Variants in MAD2L2 observed in about 807,000 individuals in gnomAD.
MAD2L2 encodes mitotic spindle assembly checkpoint protein MAD2B.
A neutral mutation model predicts 30.5 loss-of-function variants in MAD2L2; 17 were observed. The ratio of observed to expected loss-of-function variants is 0.56; its 90% CI spans 0.38 to 0.84. The LOEUF is 0.84. Ranked by LOEUF, MAD2L2 falls within the 40% of genes least tolerant of loss-of-function variation. The pLI, the probability that MAD2L2 is intolerant of heterozygous loss-of-function variation, is 0.00. For synonymous variants in MAD2L2, 101 were observed against 113.9 expected (o/e 0.89, Z 0.72); for missense variants, 213 against 277.4 (o/e 0.77, Z 1.65).
At chr1:11,681,854 G>A (rs1482668289), upstream of MAD2L2, 1 of 152,150 alleles carries the variant, frequency 6.6e-6, no homozygotes, top group East Asian at 1.9e-4. Context: ...ATACAGATAA[G>A]TCAAGCGAGG....
Position 11,680,500 on chromosome 1 carries a change from C to G in MAD2L2, c.41-29G>C, listed in dbSNP as rs746139592. The G allele has an allele frequency of 1.9e-6, 3 of 1,611,812 alleles. No homozygotes were observed. In the South Asian group the frequency reaches 3.3e-5, roughly 18 times the overall value. On this transcript the variant is annotated intron_variant, in intron 2 of 8. Transcript: ENST00000376692. ...CAGGGGGGCACAAGCCGGTGGCGCG[C>G]TCGAGGAAGCCCGCCGGCCCAGACG... is the stretch of plus-strand genomic sequence containing the variant.
At chr1:11,682,982 C>G (rs1239401535), upstream of MAD2L2, among the ~76,000 whole-genome samples, 1 of 152,208 alleles carries the variant, frequency 6.6e-6, no homozygotes, top group Non-Finnish European at 1.5e-5. Context: ...TTGAGACTGA[C>G]TCATTGCAGA....
rs1481687541 is a variant in MAD2L2, at chr1:11,680,830, G to A, written c.-13+209C>T. On this transcript the variant is annotated intron_variant, in intron 1 of 8. Transcript: ENST00000376692. ...ATCCACTGGCCGCCCGCGCCCCCTC[G>A]CCCCGCTGTCTCGCGGGGTGGAAAG... 3.2e-6 allele frequency: 4 copies of A among 1,248,598 alleles called. No individual in the cohort carries two copies. The Admixed American group carries it at 1.2e-4, about 37-fold the overall frequency. 77.3% of individuals were successfully genotyped at this position (1,248,598 alleles called of 1,614,324 possible).
Position 11,680,452 on chromosome 1 carries a change from G to C in MAD2L2, c.60C>G (p.Cys20Trp), listed in dbSNP as rs565729007. Reference sequence around the variant, plus strand: ...GATGCACAGCCACCTCCAGGAACTCGCAGAGCACATCGGCCACCACTGCAG... The same window carrying C: ...GATGCACAGCCACCTCCAGGAACTCCCAGAGCACATCGGCCACCACTGCAG... Reference protein sequence around the residue: ...NFGQVVADVLCEFLEVAVHLI... With the variant: ...NFGQVVADVLWEFLEVAVHLI... Residue 20 changes from cysteine (C) to tryptophan (W), a missense_variant, in exon 3 of 9, where the codon TGC becomes TGG. Coordinates refer to ENST00000376692, the MANE Select transcript of MAD2L2 (RefSeq NM_006341.4). 7 of 1,613,834 alleles carry C rather than the reference G, an allele frequency of 4.3e-6. No individual in the cohort carries two copies. Among genetic ancestry groups the C allele is most frequent in the East Asian group, 2.2e-5 (1 of 44,880 alleles).
At chr1:11,675,790 C>G (rs1432029360) in intron 6 of MAD2L2, 59 bp from the exon 7 acceptor site, 6 of 1,370,136 alleles carry the variant, frequency 4.4e-6, no homozygotes, top group Non-Finnish European at 6.3e-6. Flanking sequence ...GCCACTGGGC[C>G]CAGCCTCTTC....
At chr1:11,689,174 G>C (rs2100722222) in intron 1 of MAD2L2, among the ~76,000 whole-genome samples, 1 of 151,586 alleles carries the variant, frequency 6.6e-6, no homozygotes, top group South Asian at 2.1e-4. Flanking sequence ...GTGTGTGCCT[G>C]TAACCCCAGC....
intron 5 of MAD2L2, 90 bp downstream of exon 5, chr1:11,676,758 A>C: frequency 2.0e-6 from 2 of 987,038 alleles, no homozygotes; most frequent in Admixed American, 1.9e-5. Context: ...GGCCTTTACC[A>C]AGGTATTCAA....
rs545512998 is a variant in MAD2L2 at position 11,688,225 on chromosome 1, T to A, written c.-692+3188A>T. Among the ~76,000 whole-genome samples, 45 of 152,294 alleles carry A rather than the reference T, an allele frequency of 3.0e-4. No individual in the cohort carries two copies. Among genetic ancestry groups the A allele is most frequent in the African/African-American group, 1.0e-3 (42 of 41,548 alleles). On this transcript the variant is annotated intron_variant, in intron 1 of 10. Coordinates refer to the MAD2L2 transcript ENST00000235310. The surrounding 1 kb of genome is among the most constrained non-coding windows in gnomAD (Gnocchi z 4.6). The stretch of plus-strand genomic sequence containing the variant: ...CCACAGTACTTAGCTGGTCTCTTGC[T>A]TTCACCCTTGTCCCACTGCAGACTA...
Position 11,677,574 on chromosome 1 carries a change from G to C in MAD2L2, c.200C>G (p.Thr67Arg). 2 of 1,613,788 alleles carry C rather than the reference G, an allele frequency of 1.2e-6. No homozygotes were observed. The highest frequency in any genetic ancestry group is 1.7e-6 in the Non-Finnish European group (2 of 1,179,996). The stretch of plus-strand genomic sequence containing the variant: ...CAGGAGTGGCTTGACGCAGTGCAGC[G>C]TGTCCTGGATATACTGATTCAGCTC... The part of the protein sequence containing the change: ...HPELNQYIQD[T>R]LHCVKPLLEK... Residue 67 changes from threonine (T) to arginine (R), a missense_variant, in exon 4 of 9, where the codon ACG becomes AGG. Thr to Arg is a moderately conservative substitution (Grantham distance 71). Transcript: ENST00000376692.
chr1:11,680,479 G>T lies in MAD2L2; in HGVS notation c.41-8C>A, dbSNP rs373741421. The T allele has an allele frequency of 3.2e-5, 51 of 1,613,318 alleles. No individual in the cohort carries two copies. The highest frequency in any genetic ancestry group is 2.2e-4 in the East Asian group (10 of 44,856). On this transcript the variant is annotated splice_polypyrimidine_tract_variant and splice_region_variant and intron_variant, in intron 2 of 8. Coordinates refer to ENST00000376692, the MANE Select transcript of MAD2L2 (RefSeq NM_006341.4). ...AGAGCACATCGGCCACCACTGCAGGGGGGCACAAGCCGGTGGCGCGCTCGA... is the reference window on the plus strand; with the variant it reads ...AGAGCACATCGGCCACCACTGCAGGTGGGCACAAGCCGGTGGCGCGCTCGA...
chr1:11,680,755 A>C (rs2272981), intron 1 of MAD2L2, 142 bp from the exon 2 acceptor site: 260,446 of 1,370,004 alleles, frequency 0.19, 25,927 homozygotes, highest in South Asian at 0.21. Context: ...GGGCAGCTGG[A>C]AGAACCTCCA....
chr1:11,675,920 G>A (rs1640759256), intron 6 of MAD2L2, 126 bp downstream of exon 6: 1 of 921,318 alleles, frequency 1.1e-6, no homozygotes, highest in Non-Finnish European at 1.8e-6. Flanking sequence ...GCTTCCCAGA[G>A]GAGGTGGACT....
At position 11,690,869 on chromosome 1, in the gene MAD2L2, C is replaced by G. The variant is rs1340134542; in HGVS notation, c.-692+544G>C. ...AGCGCTGGCTTTGTCCGGGTTGGGCCGGTCTGAGAAGCTTCAGGCCGGCTT... is the reference window on the plus strand; with the variant it reads ...AGCGCTGGCTTTGTCCGGGTTGGGCGGGTCTGAGAAGCTTCAGGCCGGCTT... On this transcript the variant is annotated intron_variant, in intron 1 of 10. Transcript: ENST00000235310. The surrounding 1 kb of genome is among the most constrained non-coding windows in gnomAD (Gnocchi z 4.2). Among the ~76,000 whole-genome samples the G allele has an allele frequency of 3.3e-5, 5 of 152,104 alleles. No homozygotes were observed. Among genetic ancestry groups the G allele is most frequent in the African/African-American group, 4.8e-5 (2 of 41,420 alleles).
At position 11,688,979 on chromosome 1, in the gene MAD2L2, ACGTTAC is replaced by A. The variant is rs1641010794; in HGVS notation, c.-692+2428_-692+2433del. On this transcript the variant is annotated intron_variant, in intron 1 of 10. Transcript: ENST00000235310. The surrounding 1 kb of genome is among the most constrained non-coding windows in gnomAD (Gnocchi z 4.6). ...TTACAAATGCCATGGCAACATCAGGACGTTACCCTATATGGTCTAAAAAGGGGAAGC... is the reference window on the plus strand; with the variant it reads ...TTACAAATGCCATGGCAACATCAGGACCTATATGGTCTAAAAAGGGGAAGC... 6.6e-6 allele frequency among the ~76,000 whole-genome samples: 1 copy of A among 152,144 alleles called. No individual in the cohort carries two copies. Among genetic ancestry groups the A allele is most frequent in the South Asian group, 2.1e-4 (1 of 4,824 alleles).
At chr1:11,675,240 C>A in intron 7 of MAD2L2, 66 bp from the exon 8 acceptor site, 1 of 1,109,980 alleles carries the variant, frequency 9.0e-7, no homozygotes, top group Non-Finnish European at 1.3e-6. Flanking sequence ...ACTTTGCTGT[C>A]CCTCCCACTC....
chr1:11,683,537 T>G (rs1640909725), upstream of MAD2L2, among the ~76,000 whole-genome samples: 1 of 148,950 alleles, frequency 6.7e-6, no homozygotes, highest in African/African-American at 2.5e-5. Flanking sequence ...GGTGGGAAGG[T>G]GAGGGAAGGG....
At position 11,687,631 on chromosome 1, in the gene MAD2L2, C is replaced by T. The variant is rs1640981808; in HGVS notation, c.-692+3782G>A. Among the ~76,000 whole-genome samples the T allele has an allele frequency of 6.6e-6, 1 of 152,202 alleles. No homozygotes were observed. Among genetic ancestry groups the T allele is most frequent in the African/African-American group, 2.4e-5 (1 of 41,446 alleles). On this transcript the variant is annotated intron_variant, in intron 1 of 10. Coordinates refer to the MAD2L2 transcript ENST00000235310. This position sits in a 1 kb window ranked among gnomAD's most constrained non-coding sequence, Gnocchi z 4.1. The stretch of plus-strand genomic sequence containing the variant: ...CTTCAAGAGGTCCTCCTGCCTCACC[C>T]TCTCAAAGTGCTAGGATTACAGGCA...
At position 11,674,995 on chromosome 1, in the gene MAD2L2, G is replaced by A. The variant is rs1004442733; in HGVS notation, c.594+87C>T. Reference sequence around the variant, plus strand: ...ACCAGGCACTCCCCCGTTCTCTCCCGCAAGCCCTCTAGTAAGGCCTCAGCA... The same window carrying A: ...ACCAGGCACTCCCCCGTTCTCTCCCACAAGCCCTCTAGTAAGGCCTCAGCA... On this transcript the variant is annotated intron_variant, in intron 8 of 8. Transcript: ENST00000376692. This position sits in a 1 kb window ranked among gnomAD's most constrained non-coding sequence, Gnocchi z 6.1. 3.3e-5 allele frequency: 43 copies of A among 1,317,378 alleles called. No homozygotes were observed. The highest frequency in any genetic ancestry group is 1.9e-4 in the African/African-American group (13 of 68,142). The allele number at this position is 1,317,378 out of a possible 1,614,324, so 81.6% of individuals were successfully genotyped here. A position where few individuals can be genotyped will look rare whatever the true frequency, so the allele number is the denominator to read the frequency against.
chr1:11,677,710 C>T lies in MAD2L2; in HGVS notation c.160-96G>A, dbSNP rs2233017. The T allele has an allele frequency of 3.9e-4, 385 of 981,666 alleles. 1 individual carries two copies. The African/African-American group carries it at 5.1e-3, about 13-fold the overall frequency. The allele number at this position is 981,666 out of a possible 1,614,324, so 60.8% of individuals were successfully genotyped here. A position where few individuals can be genotyped will look rare whatever the true frequency, so the allele number is the denominator to read the frequency against. On this transcript the variant is annotated intron_variant, in intron 3 of 8. Transcript: ENST00000376692. ...CCTAAGGCCCCATCTGCCTTCGGTC[C>T]GAGGCCCAGCAGCTCTCCAGGGCTC...
Sources: allele counts gnomAD v4.1 joint callset (sites outside exome capture counted in the v4.1 genomes callset), GRCh38; gene constraint gnomAD v4.1.1; non-coding constraint Gnocchi (gnomAD v3.1); transcripts MANE v1.5; gene names NCBI Gene and HGNC (gene_info 2026-07-23, HGNC 2026-07-21).